Variants in SLC47A2 observed in about 807,000 individuals in gnomAD.
SLC47A2 encodes multidrug and toxin extrusion protein 2.
Under a neutral mutation model 67.7 loss-of-function variants are expected in SLC47A2, and 52 were observed. The observed-to-expected ratio is 0.77, with a 90% CI of 0.61 to 0.97. SLC47A2 has a LOEUF of 0.97. Ranked by LOEUF, SLC47A2 falls within the 50% of genes least tolerant of loss-of-function variation. SLC47A2 has a pLI of 0.00. For synonymous variants in SLC47A2, 278 were observed against 292.9 expected, an observed-to-expected ratio of 0.95 and a Z score of 0.52; for missense variants, 676 against 712.3, an observed-to-expected ratio of 0.95 and a Z score of 0.58.
chr17:19,706,666 T>C lies in SLC47A2; in HGVS notation c.823A>G (p.Ile275Val), dbSNP rs1215213347. The change falls in exon 9 of 17, where the codon ATC (isoleucine) becomes GTC (valine). Residue 275 changes from isoleucine (I) to valine (V), a missense_variant. By Grantham distance (29) the Ile-to-Val change is conservative. Coordinates refer to ENST00000433844, the MANE Select transcript of SLC47A2 (RefSeq NM_001099646.3). ...MICVEWWAYE[I>V]GSFLMGLLSV... ...CACGTACCCATGAGGAAGCTCCCGA[T>C]CTCATAGGCCCACCACTCAACACAG... 8 of 1,603,216 alleles carry C rather than the reference T, an allele frequency of 5.0e-6. No homozygotes were observed. Among genetic ancestry groups the C allele is most frequent in the African/African-American group, 2.7e-5 (2 of 74,044 alleles).
In SLC47A2 at chr17:19,680,058, A is replaced by T. The variant is rs2085280337; in HGVS notation, c.1393-19T>A. 3 of 1,611,432 alleles carry T rather than the reference A, an allele frequency of 1.9e-6. No individual in the cohort carries two copies. The highest frequency in any genetic ancestry group is 2.5e-6 in the Non-Finnish European group (3 of 1,179,012). On this transcript the variant is annotated intron_variant, in intron 15 of 16. Transcript: ENST00000433844. ...TCTTAGCCTAAAGGAGAAAGAACTC[A>T]ATTGGGTCAACCTGCCAGCTCAACA...
In SLC47A2 at chr17:19,704,173, G is replaced by T; in HGVS notation, c.915C>A (p.Pro305=). 1 of 1,603,128 alleles carries T rather than the reference G, an allele frequency of 6.2e-7. No homozygotes were observed. The change falls in exon 11 of 17, where the codon CCC becomes CCA. Residue 305 remains proline, a synonymous_variant. Coordinates refer to ENST00000433844, the MANE Select transcript of SLC47A2 (RefSeq NM_001099646.3). ...YEVATVTYMI[P]LGLSIGVCVR... ...CACAGACCCCGATGCTGAGCCCCAAGGGAATCTGGGATCAAAGATAAGAAA... is the reference window on the plus strand; with the variant it reads ...CACAGACCCCGATGCTGAGCCCCAATGGAATCTGGGATCAAAGATAAGAAA...
rs781260455 is a variant in SLC47A2, at chr17:19,713,820, C to T, written c.443+5G>A. 2 of 1,605,976 alleles carry T rather than the reference C, an allele frequency of 1.2e-6. No individual in the cohort carries two copies. Among genetic ancestry groups the T allele is most frequent in the South Asian group, 1.1e-5 (1 of 90,756 alleles). ...CCCCACCTCCCCAGCCGGAGCCCAG[C>T]GCACCTGGACACGTCCGGGTCCTGC... On this transcript the variant is annotated splice_donor_5th_base_variant and intron_variant, in intron 4 of 16. Coordinates refer to ENST00000433844, the MANE Select transcript of SLC47A2 (RefSeq NM_001099646.3).
rs774227577 is a variant in SLC47A2 at position 19,705,468 on chromosome 17, C to G, written c.877G>C (p.Val293Leu). The G allele has an allele frequency of 4.3e-6, 7 of 1,611,848 alleles. No homozygotes were observed. Among genetic ancestry groups the G allele is most frequent in the South Asian group, 1.1e-5 (1 of 90,648 alleles). Reference protein sequence around the residue: ...LSVVDLSAQAVIYEVATVTYM... With the variant: ...LSVVDLSAQALIYEVATVTYM... ...GTCACAGTGGCCACCTCGTAGATGA[C>G]AGCCTGGGCAGAGAGATCCACCACA... The change falls in exon 10 of 17, where the codon GTC (valine) becomes CTC (leucine). Residue 293 changes from valine (V) to leucine (L), a missense_variant. By Grantham distance (32) the Val-to-Leu change is conservative. Coordinates refer to ENST00000433844, the MANE Select transcript of SLC47A2 (RefSeq NM_001099646.3).
intron 1 of SLC47A2, 46 bp downstream of exon 1, chr17:19,716,387 T>A: frequency 2.5e-6 from 4 of 1,572,132 alleles, no homozygotes; most frequent in Non-Finnish European, 2.6e-6. Context: ...CCTCAGCCTC[T>A]CAGCTTCCTC....
chr17:19,712,169 T>A (rs549050779), intron 5 of SLC47A2, among the ~76,000 whole-genome samples: 1 of 152,278 alleles, frequency 6.6e-6, no homozygotes, highest in East Asian at 1.9e-4. Flanking sequence ...GCAGATCACT[T>A]GAGGTCAGGA....
intron 5 of SLC47A2, among the ~76,000 whole-genome samples, chr17:19,712,100 T>C (rs1396281328): frequency 6.6e-6 from 1 of 152,134 alleles, no homozygotes; most frequent in Non-Finnish European, 1.5e-5. Context: ...GAAATAATCC[T>C]GGAGGGCCGG....
At chr17:19,713,318 G>A (rs2086150871) in intron 4 of SLC47A2, among the ~76,000 whole-genome samples, 1 of 152,080 alleles carries the variant, frequency 6.6e-6, no homozygotes, top group Non-Finnish European at 1.5e-5. Context: ...AACCTGGGAG[G>A]CAGAGGTTGC....
upstream of SLC47A2, chr17:19,718,334 A>C (rs116202639): frequency 6.6e-6 from 1 of 152,284 alleles, no homozygotes; most frequent in African/African-American, 2.4e-5. Context: ...GGGAGCCCAC[A>C]CGTGGAGGTA....
At chr17:19,718,081 A>G (rs1597653943), upstream of SLC47A2, 3 of 152,244 alleles carry the variant, frequency 2.0e-5, no homozygotes, top group Non-Finnish European at 4.4e-5. Flanking sequence ...CGTCCTTCTC[A>G]CCTTTGGCCA....
chr17:19,701,730 C>T (rs554626184), intron 13 of SLC47A2, among the ~76,000 whole-genome samples: 1 of 152,150 alleles, frequency 6.6e-6, no homozygotes, highest in Admixed American at 6.6e-5. Flanking sequence ...CCTATTGTCC[C>T]AGCACTTTGG....
At chr17:19,705,214 A>T (rs1299356839) in intron 10 of SLC47A2, 2 of 495,756 alleles carry the variant, frequency 4.0e-6, no homozygotes, top group Non-Finnish European at 7.0e-6. Flanking sequence ...TTAAAATTCC[A>T]ACATCTGTGA....
chr17:19,691,658 T>G (rs2085543472), intron 13 of SLC47A2, among the ~76,000 whole-genome samples: 1 of 152,144 alleles, frequency 6.6e-6, no homozygotes, highest in Non-Finnish European at 1.5e-5. Context: ...TGTAGTTAGA[T>G]AGAATGAATA....
chr17:19,696,280 A>T (rs1218527757), intron 13 of SLC47A2, among the ~76,000 whole-genome samples: 1 of 131,596 alleles, frequency 7.6e-6, no homozygotes, highest in Non-Finnish European at 1.6e-5. Flanking sequence ...GTGAAACCCC[A>T]TTTCTACTAA....
At position 19,681,421 on chromosome 17, in the gene SLC47A2, A is replaced by G. The variant is rs2085311532; in HGVS notation, c.1338T>C (p.Thr446=). The change falls in exon 15 of 17, where the codon ACT becomes ACC. Residue 446 remains threonine (T), a synonymous_variant. Coordinates refer to ENST00000433844, the MANE Select transcript of SLC47A2 (RefSeq NM_001099646.3). The part of the protein sequence containing the change: ...LGMLACVFLA[T]AAFVAYTARL... ...GGGCAGTATAAGCAACAAAGGCAGC[A>G]GTTGCCAGGAAGACACAGGCCAGCA... The G allele has an allele frequency of 6.2e-7, 1 of 1,613,626 alleles. No individual in the cohort carries two copies. Among genetic ancestry groups the G allele is most frequent in the African/African-American group, 1.3e-5 (1 of 74,906 alleles).
chr17:19,684,498 A>G (rs757042033), intron 13 of SLC47A2, among the ~76,000 whole-genome samples: 10 of 152,154 alleles, frequency 6.6e-5, no homozygotes, highest in Non-Finnish European at 1.3e-4. Flanking sequence ...ATGACCTACT[A>G]TTCTACCCTA....
chr17:19,705,372 C>T (rs568832346), intron 10 of SLC47A2, 64 bp downstream of exon 10: 19 of 1,529,126 alleles, frequency 1.2e-5, no homozygotes, highest in Middle Eastern at 1.7e-4. Flanking sequence ...GCCTGCCCCC[C>T]TCCTATGACA....
chr17:19,685,043 G>A lies in SLC47A2; in HGVS notation c.1165-3373C>T, dbSNP rs76557187. ...GTATTTTTGGTGGAGATGGGGTTTCGCCGTGTTGACCGGGCTGGCCTCCAG... is the reference window on the plus strand; with the variant it reads ...GTATTTTTGGTGGAGATGGGGTTTCACCGTGTTGACCGGGCTGGCCTCCAG... On this transcript the variant is annotated intron_variant, in intron 13 of 16. Coordinates refer to ENST00000433844, the MANE Select transcript of SLC47A2 (RefSeq NM_001099646.3). The surrounding 1 kb of genome is among the most constrained non-coding windows in gnomAD (Gnocchi z 4.5). 3.4e-4 allele frequency among the ~76,000 whole-genome samples: 52 copies of A among 152,226 alleles called. No homozygotes were observed. Among genetic ancestry groups the A allele is most frequent in the African/African-American group, 1.2e-3 (48 of 41,548 alleles).
At chr17:19,690,377 A>G (rs2085513939) in intron 13 of SLC47A2, among the ~76,000 whole-genome samples, 1 of 152,140 alleles carries the variant, frequency 6.6e-6, no homozygotes. Flanking sequence ...GATTTCTTGA[A>G]TAATACCCCC....
Sources: allele counts gnomAD v4.1 joint callset (sites outside exome capture counted in the v4.1 genomes callset), GRCh38; gene constraint gnomAD v4.1.1; non-coding constraint Gnocchi (gnomAD v3.1); transcripts MANE v1.5; gene names NCBI Gene and HGNC (gene_info 2026-07-23, HGNC 2026-07-21).